STK31: variants seen among roughly 807,000 people sequenced by gnomAD.
The protein encoded by STK31 is serine/threonine-protein kinase 31.
STK31 carries 89 observed loss-of-function variants against 129.7 expected under a neutral mutation model. The ratio of observed to expected loss-of-function variants is 0.69; its 90% confidence interval spans 0.58 to 0.82. STK31 has a LOEUF of 0.82. Ranked by LOEUF, STK31 falls within the 40% of genes least tolerant of loss-of-function variation. The pLI is 0.00. For missense variants in STK31, 1,187 were observed against 1,176.4 expected (o/e 1.01, Z -0.13); for synonymous variants, 448 against 395.3 (o/e 1.13, Z -1.58).
intron 4 of STK31, chr7:23,721,564 A>C: frequency 1.1e-6 from 1 of 923,160 alleles, no homozygotes; most frequent in Non-Finnish European, 1.8e-6. Flanking sequence ...TTTTGGGTGG[A>C]GCCCTTTGCG....
At chr7:23,782,161 A>G (rs932767361) in intron 16 of STK31, among the ~76,000 whole-genome samples, 3 of 152,160 alleles carry the variant, frequency 2.0e-5, no homozygotes, top group African/African-American at 7.2e-5. Flanking sequence ...GAAGTTAGTT[A>G]AGAAACAGTG....
chr7:23,814,755 T>A (rs1793365150), intron 22 of STK31, among the ~76,000 whole-genome samples: 1 of 152,106 alleles, frequency 6.6e-6, no homozygotes, highest in South Asian at 2.1e-4. Flanking sequence ...AGTTTTTTTT[T>A]AAGTTTAGCT....
chr7:23,735,158 G>A (rs1231200273), intron 6 of STK31, among the ~76,000 whole-genome samples: 2 of 151,750 alleles, frequency 1.3e-5, no homozygotes, highest in East Asian at 1.9e-4. Flanking sequence ...TTGTAAAATC[G>A]AGTACCTTTT....
At chr7:23,740,278 C>T (rs1198473945) in intron 8 of STK31, among the ~76,000 whole-genome samples, 1 of 152,166 alleles carries the variant, frequency 6.6e-6, no homozygotes, top group African/African-American at 2.4e-5. Context: ...ATGTTTTAAT[C>T]CACTGAAGCC....
At chr7:23,831,288 T>C (rs944768348) in intron 23 of STK31, among the ~76,000 whole-genome samples, 9 of 152,236 alleles carry the variant, frequency 5.9e-5, no homozygotes, top group African/African-American at 2.2e-4. Flanking sequence ...GGTGCTCTGT[T>C]GTTGGATCCA....
intron 6 of STK31, among the ~76,000 whole-genome samples, chr7:23,733,315 C>T (rs747859558): frequency 6.6e-6 from 1 of 151,508 alleles, no homozygotes; most frequent in African/African-American, 2.4e-5. Flanking sequence ...ACTTAGGAGG[C>T]TGAAGTGGGA....
At chr7:23,792,550 G>A (rs12666580) in intron 22 of STK31, among the ~76,000 whole-genome samples, 21,080 of 152,040 alleles carry the variant, frequency 0.14, 1,463 homozygotes, top group East Asian at 0.22. Context: ...TTATAGATTC[G>A]ATGCAATTTC....
At chr7:23,751,531 C>G (rs1481155041) in intron 8 of STK31, among the ~76,000 whole-genome samples, 1 of 152,124 alleles carries the variant, frequency 6.6e-6, no homozygotes, top group Non-Finnish European at 1.5e-5. Context: ...TTATGTGTAT[C>G]CTATAGCTGT....
intron 10 of STK31, among the ~76,000 whole-genome samples, chr7:23,755,633 G>A (rs571150612): frequency 1.3e-4 from 20 of 152,272 alleles, no homozygotes; most frequent in Non-Finnish European, 2.6e-4. Context: ...ATAGTTTTAG[G>A]TTTTACATTT....
At chr7:23,720,697 C>T (rs1454126584) in intron 4 of STK31, among the ~76,000 whole-genome samples, 1 of 152,090 alleles carries the variant, frequency 6.6e-6, no homozygotes, top group Non-Finnish European at 1.5e-5. Context: ...ATATTTTACC[C>T]ATGTCTTCTG....
At chr7:23,719,927 A>G (rs572123790) in intron 4 of STK31, among the ~76,000 whole-genome samples, 3 of 152,288 alleles carry the variant, frequency 2.0e-5, no homozygotes, top group African/African-American at 4.8e-5. Flanking sequence ...GTGGTAGTCC[A>G]TGATACTCTC....
intron 22 of STK31, among the ~76,000 whole-genome samples, chr7:23,810,098 A>G (rs573914154): frequency 6.6e-6 from 1 of 152,226 alleles, no homozygotes; most frequent in East Asian, 1.9e-4. Context: ...ATATGTACAT[A>G]TTTAGGATTG....
chr7:23,772,947 T>C (rs570336977), intron 15 of STK31, among the ~76,000 whole-genome samples: 1 of 152,296 alleles, frequency 6.6e-6, no homozygotes, highest in South Asian at 2.1e-4. Context: ...GGAGGACTAT[T>C]CTAGAACTAA....
chr7:23,819,704 A>G (rs551414944), intron 23 of STK31, among the ~76,000 whole-genome samples: 25 of 150,628 alleles, frequency 1.7e-4, no homozygotes, highest in Middle Eastern at 3.4e-3. Flanking sequence ...AGTTAAACAG[A>G]TTATTTTTAT....
chr7:23,731,041 G>A (rs917426187), intron 6 of STK31, among the ~76,000 whole-genome samples: 1 of 150,650 alleles, frequency 6.6e-6, no homozygotes, highest in African/African-American at 2.4e-5. Flanking sequence ...CCGCCACCAC[G>A]CATGGCTAAT....
intron 10 of STK31, among the ~76,000 whole-genome samples, chr7:23,759,626 C>G (rs1202122447): frequency 1.3e-5 from 2 of 152,130 alleles, no homozygotes; most frequent in African/African-American, 2.4e-5. Flanking sequence ...TAAGGGGTAG[C>G]AAAATCTTTT....
intron 23 of STK31, among the ~76,000 whole-genome samples, chr7:23,824,449 G>A (rs1793984479): frequency 6.6e-6 from 1 of 152,146 alleles, no homozygotes; most frequent in African/African-American, 2.4e-5. Context: ...CATTGATTTT[G>A]TATCCTGAGA....
At chr7:23,825,341 C>G (rs942876068) in intron 23 of STK31, among the ~76,000 whole-genome samples, 3 of 152,092 alleles carry the variant, frequency 2.0e-5, no homozygotes, top group Admixed American at 6.6e-5. Flanking sequence ...GTGTATGTGT[C>G]GAGGAATTCA....
rs778206921 is a variant in STK31, at chr7:23,769,633, A to G, written c.1597-7A>G. 1 of 1,582,584 alleles carries G rather than the reference A, an allele frequency of 6.3e-7. No individual in the cohort carries two copies. The highest frequency in any genetic ancestry group is 8.7e-7 in the Non-Finnish European group (1 of 1,155,766). On this transcript the variant is annotated splice_region_variant and splice_polypyrimidine_tract_variant and intron_variant, in intron 12 of 23. Transcript: ENST00000355870. The stretch of plus-strand genomic sequence containing the variant: ...AGATATTTCATGTGTTTATTTTTGC[A>G]AATGAGGTTTTTGACCTATCTGTGG...
Sources: gnomAD v4.1 joint callset for allele counts (sites outside exome capture counted in the v4.1 genomes callset) on GRCh38, gnomAD v4.1.1 for gene constraint, MANE v1.5 for transcripts, NCBI Gene and HGNC (gene_info 2026-07-23, HGNC 2026-07-21) for gene names.